Variants in PLCL2 observed in about 807,000 individuals in gnomAD.
PLCL2 encodes inactive phospholipase C-like protein 2.
A neutral mutation model predicts 79.6 loss-of-function variants in PLCL2; 4 were observed. The ratio of observed to expected loss-of-function variants is 0.05; its 90% confidence interval spans 0.02 to 0.11. The LOEUF (loss-of-function observed/expected upper bound fraction) is 0.11. PLCL2 is among the 10% of genes least tolerant of loss of function. The pLI, the probability that PLCL2 is intolerant of heterozygous loss-of-function variation, is 1.00. For synonymous variants in PLCL2, 484 were observed against 457.7 expected (o/e 1.06, Z -0.73); for missense variants, 895 against 1,291.0 (o/e 0.69, Z 4.70).
rs1023444637 is a variant in PLCL2, at chr3:17,014,769, G to C, written c.2876G>C (p.Cys959Ser). The C allele has an allele frequency of 3.1e-6, 5 of 1,614,018 alleles. No individual in the cohort carries two copies. The African/African-American group carries it at 4.0e-5, about 13-fold the overall frequency. ...TCCTCTGTGGCCAATCTCATGCAGT[G>C]CATGTTGGCGGTGTCTCCCCGCTTT... ...GLSSVANLMQ[C>S]MLAVSPRFLG... Residue 959 changes from cysteine (C) to serine (S), a missense_variant, in exon 3 of 6, where the codon TGC (cysteine) becomes TCC (serine). By Grantham distance (112) the Cys-to-Ser change is moderately radical (BLOSUM62 -1). This residue lies in a region of PLCL2 where 298 missense variants were observed against 459.6 expected (regional missense o/e 0.65). Coordinates refer to ENST00000615277, the MANE Select transcript of PLCL2 (RefSeq NM_001144382.2).
chr3:17,011,312 T>C lies in PLCL2; in HGVS notation c.1966T>C (p.Tyr656His). Residue 656 changes from tyrosine (Y) to histidine (H), a missense_variant, in exon 2 of 6, where the codon TAC becomes CAC. Physicochemically the swap from Tyr to His is moderately conservative, Grantham distance 83. Coordinates refer to ENST00000615277, the MANE Select transcript of PLCL2 (RefSeq NM_001144382.2). This position sits in a 1 kb window ranked among gnomAD's most constrained non-coding sequence, Gnocchi z 7.9. ...CSFNEVLASK[Y>H]ANENPGDFVN... ...CTTTAATGAAGTGCTTGCCAGCAAG[T>C]ACGCCAATGAAAATCCAGGGGACTT... is the stretch of plus-strand genomic sequence containing the variant. 6.2e-7 allele frequency: 1 copy of C among 1,614,232 alleles called. No homozygotes were observed.
At chr3:16,955,756 C>T (rs1246080050) in intron 1 of PLCL2, among the ~76,000 whole-genome samples, 1 of 152,054 alleles carries the variant, frequency 6.6e-6, no homozygotes, top group Non-Finnish European at 1.5e-5. Context: ...CCCTTGTAAG[C>T]TGGATTCCTA....
chr3:17,061,191 G>A (rs2064949785), intron 4 of PLCL2, among the ~76,000 whole-genome samples: 1 of 152,108 alleles, frequency 6.6e-6, no homozygotes, highest in African/African-American at 2.4e-5. Flanking sequence ...AGAATAAATG[G>A]CATTCATTTC....
At chr3:17,051,515 T>G (rs187325814) in intron 4 of PLCL2, among the ~76,000 whole-genome samples, 14 of 150,612 alleles carry the variant, frequency 9.3e-5, no homozygotes. Context: ...AGGTGTTTAA[T>G]GAAGCTGAAA....
intron 3 of PLCL2, among the ~76,000 whole-genome samples, chr3:17,025,659 C>A (rs773911631): frequency 6.6e-6 from 1 of 152,168 alleles, no homozygotes; most frequent in Non-Finnish European, 1.5e-5. Context: ...GTGCTAATTT[C>A]TGACCCTTTT....
At chr3:16,994,193 T>C (rs1209318518) in intron 1 of PLCL2, among the ~76,000 whole-genome samples, 1 of 152,236 alleles carries the variant, frequency 6.6e-6, no homozygotes, top group African/African-American at 2.4e-5. Context: ...AAGGGACTTA[T>C]GGTTTTAGAA....
intron 5 of PLCL2, among the ~76,000 whole-genome samples, chr3:17,078,417 A>G (rs1307614637): frequency 6.6e-6 from 1 of 151,486 alleles, no homozygotes; most frequent in African/African-American, 2.4e-5. Context: ...AGGTACTCAC[A>G]TGGCTGGATC....
At chr3:16,906,367 G>T (rs144182045) in intron 1 of PLCL2, among the ~76,000 whole-genome samples, 84 of 152,088 alleles carry the variant, frequency 5.5e-4, no homozygotes, top group Non-Finnish European at 1.1e-3. Flanking sequence ...TATTATTTTT[G>T]AATAAAGTTG....
chr3:16,899,181 T>C (rs1201931988), intron 1 of PLCL2, among the ~76,000 whole-genome samples: 2 of 152,348 alleles, frequency 1.3e-5, no homozygotes, highest in Middle Eastern at 3.4e-3. Context: ...CCTCAAGGCA[T>C]GTCATGGAGC....
chr3:16,940,964 A>G (rs1468743160), intron 1 of PLCL2, among the ~76,000 whole-genome samples: 1 of 152,150 alleles, frequency 6.6e-6, no homozygotes, highest in African/African-American at 2.4e-5. Flanking sequence ...TTAATTTTGT[A>G]GGCCTGCAGT....
chr3:16,954,418 G>T (rs2063684251), intron 1 of PLCL2, among the ~76,000 whole-genome samples: 1 of 152,136 alleles, frequency 6.6e-6, no homozygotes, highest in Admixed American at 6.5e-5. Flanking sequence ...TCTTAATCCA[G>T]TCTATCGTTG....
chr3:16,904,083 GAGCACCT>G (rs139118566), intron 1 of PLCL2, among the ~76,000 whole-genome samples: 2,542 of 152,286 alleles, frequency 0.017, 74 homozygotes, highest in African/African-American at 0.058. Flanking sequence ...TGTGAAGGAG[GAGCACCT>G]AGATGTTGGG....
chr3:17,017,304 T>C (rs191952644), intron 3 of PLCL2, among the ~76,000 whole-genome samples: 8 of 152,362 alleles, frequency 5.3e-5, no homozygotes, highest in African/African-American at 1.7e-4. Flanking sequence ...GAAATAGCTG[T>C]GCAGCCTTAT....
At position 16,886,340 on chromosome 3, in the gene PLCL2, A is replaced by G. The variant is rs1292961004; in HGVS notation, c.327+974A>G. The stretch of plus-strand genomic sequence containing the variant: ...TCAAGGAGTTATCAGGACAGGGAGC[A>G]GCAAAGCAAATTGACAGGCTGCACC... On this transcript the variant is annotated intron_variant, in intron 1 of 5. Transcript: ENST00000615277. The surrounding 1 kb of genome is among the most constrained non-coding windows in gnomAD (Gnocchi z 4.2). Among the ~76,000 whole-genome samples the G allele has an allele frequency of 6.6e-6, 1 of 152,242 alleles. No individual in the cohort carries two copies. The highest frequency in any genetic ancestry group is 1.5e-5 in the Non-Finnish European group (1 of 68,042).
chr3:17,058,372 T>C (rs1052236813), intron 4 of PLCL2, among the ~76,000 whole-genome samples: 7 of 152,174 alleles, frequency 4.6e-5, no homozygotes, highest in Admixed American at 3.9e-4. Context: ...TAAAAGAATT[T>C]CGTATGGCAA....
At chr3:17,064,558 C>T (rs1338458948) in intron 4 of PLCL2, among the ~76,000 whole-genome samples, 3 of 151,978 alleles carry the variant, frequency 2.0e-5, no homozygotes, top group African/African-American at 4.8e-5. Flanking sequence ...CTTGCCCTGG[C>T]GCTCGCATGT....
intron 1 of PLCL2, among the ~76,000 whole-genome samples, chr3:16,998,210 A>G (rs1187145586): frequency 6.7e-6 from 1 of 148,978 alleles, no homozygotes; most frequent in Non-Finnish European, 1.5e-5. Flanking sequence ...TTTTTTTTTC[A>G]AAGTTATCCT....
At chr3:17,029,863 T>C (rs1287310552) in intron 3 of PLCL2, among the ~76,000 whole-genome samples, 2 of 152,172 alleles carry the variant, frequency 1.3e-5, no homozygotes, top group Admixed American at 6.5e-5. Flanking sequence ...TTCATCCTTA[T>C]CTCACCTGCC....
At chr3:17,021,763 C>G (rs2064457734) in intron 3 of PLCL2, among the ~76,000 whole-genome samples, 1 of 152,134 alleles carries the variant, frequency 6.6e-6, no homozygotes, top group Admixed American at 6.6e-5. Context: ...CATCTCTAAA[C>G]TCTCTGGGAG....
Sources: allele counts gnomAD v4.1 joint callset (sites outside exome capture counted in the v4.1 genomes callset), GRCh38; gene constraint gnomAD v4.1.1; regional missense constraint gnomAD v4.1.1; non-coding constraint Gnocchi (gnomAD v3.1); transcripts MANE v1.5; gene names NCBI Gene and HGNC (gene_info 2026-07-23, HGNC 2026-07-21).